Variants in SUPT3H observed in about 807,000 individuals in gnomAD.
The protein encoded by SUPT3H is transcription initiation protein SPT3 homolog.
Under a neutral mutation model 44.3 loss-of-function variants are expected in SUPT3H, and 44 were observed. The ratio of observed to expected loss-of-function variants is 0.99; its 90% CI spans 0.78 to 1.28. The LOEUF (loss-of-function observed/expected upper bound fraction) is 1.28. Ranked by LOEUF, SUPT3H falls within the 50% of genes most tolerant of loss-of-function variation. The pLI, the probability that SUPT3H is intolerant of heterozygous loss-of-function variation, is 0.00. For missense variants in SUPT3H, 380 were observed against 387.1 expected (o/e 0.98, Z 0.15); for synonymous variants, 124 against 125.6 (o/e 0.99, Z 0.09).
Position 45,099,186 on chromosome 6 carries a change from C to T in SUPT3H, c.186+6736G>A, listed in dbSNP as rs1351263626. On this transcript the variant is annotated intron_variant, in intron 3 of 10. Coordinates refer to ENST00000371459, the MANE Select transcript of SUPT3H (RefSeq NM_003599.4). ...ATGGGACCACCCTTTCCTTTCATGA[C>T]AACTCCAGGATTAATCCACTATCTT... 1.4e-5 allele frequency: 4 copies of T among 276,252 alleles called. No homozygotes were observed. The South Asian group carries it at 1.5e-4, about 10-fold the overall frequency. The allele number at this position is 276,252 out of a possible 1,614,324, so 17.1% of individuals were successfully genotyped here.
At chr6:44,885,752 C>T (rs967715081) in intron 10 of SUPT3H, among the ~76,000 whole-genome samples, 1 of 152,174 alleles carries the variant, frequency 6.6e-6, no homozygotes, top group African/African-American at 2.4e-5. Flanking sequence ...AGCAACGGAA[C>T]AAAGCCGGAC....
At chr6:44,885,390 C>T (rs1266621565) in intron 10 of SUPT3H, among the ~76,000 whole-genome samples, 2 of 152,074 alleles carry the variant, frequency 1.3e-5, no homozygotes, top group African/African-American at 2.4e-5. Context: ...TGACACCTCA[C>T]ACGTCCGGGT....
At chr6:45,322,153 G>A (rs1453044467) in intron 2 of SUPT3H, among the ~76,000 whole-genome samples, 1 of 151,864 alleles carries the variant, frequency 6.6e-6, no homozygotes, top group Non-Finnish European at 1.5e-5. Context: ...TAGAAAACTA[G>A]AAATACTTAT....
At chr6:45,113,430 A>G (rs1800363893) in intron 2 of SUPT3H, among the ~76,000 whole-genome samples, 1 of 152,234 alleles carries the variant, frequency 6.6e-6, no homozygotes, top group Non-Finnish European at 1.5e-5. Flanking sequence ...TTGCTCTTCA[A>G]ATTTTAACAG....
chr6:44,870,881 G>A (rs1436079680), intron 10 of SUPT3H, among the ~76,000 whole-genome samples: 10 of 151,790 alleles, frequency 6.6e-5, no homozygotes, highest in Non-Finnish European at 1.5e-5. Context: ...CAAAGAAAGG[G>A]GTGACGGATG....
chr6:44,816,834 A>G (rs1338620310), intron 11 of SUPT3H, among the ~76,000 whole-genome samples: 1 of 152,140 alleles, frequency 6.6e-6, no homozygotes, highest in Non-Finnish European at 1.5e-5. Context: ...TGGGAAGATC[A>G]CTTGAGGCCA....
chr6:45,347,896 A>G (rs1333088535), intron 2 of SUPT3H, among the ~76,000 whole-genome samples: 3 of 152,124 alleles, frequency 2.0e-5, no homozygotes, highest in African/African-American at 7.2e-5. Context: ...ACAGAATGTC[A>G]GTATGGTTAC....
chr6:45,166,181 T>C (rs1451139791), intron 2 of SUPT3H, among the ~76,000 whole-genome samples: 1 of 152,116 alleles, frequency 6.6e-6, no homozygotes, highest in African/African-American at 2.4e-5. Flanking sequence ...TGGTCCCAGC[T>C]ACTTAAGAAG....
chr6:45,183,410 C>A (rs1034270218), intron 2 of SUPT3H, among the ~76,000 whole-genome samples: 1 of 152,094 alleles, frequency 6.6e-6, no homozygotes, highest in African/African-American at 2.4e-5. Context: ...ACATAAGTAA[C>A]TGAGACTAGA....
At chr6:45,132,989 A>C (rs1803714392) in intron 2 of SUPT3H, among the ~76,000 whole-genome samples, 1 of 152,202 alleles carries the variant, frequency 6.6e-6, no homozygotes, top group Non-Finnish European at 1.5e-5. Context: ...TTACCAGTAC[A>C]AATATTGCCT....
At chr6:45,342,040 T>C (rs1266108451) in intron 2 of SUPT3H, among the ~76,000 whole-genome samples, 1 of 149,588 alleles carries the variant, frequency 6.7e-6, no homozygotes, top group Non-Finnish European at 1.5e-5. Context: ...TATGGGCAAG[T>C]TGAAGAGATA....
chr6:45,254,022 G>A (rs74408545), intron 2 of SUPT3H, among the ~76,000 whole-genome samples: 3,699 of 151,046 alleles, frequency 0.024, 151 homozygotes, highest in African/African-American at 0.083. Context: ...AATAGGCACC[G>A]AACAACAAAC....
intron 10 of SUPT3H, among the ~76,000 whole-genome samples, chr6:44,866,106 C>CTT (rs57914401): frequency 8.3e-4 from 105 of 126,154 alleles, no homozygotes; most frequent in African/African-American, 3.0e-3. Context: ...CCTACATCGA[C>CTT]TTTTTTTTTT....
intron 2 of SUPT3H, among the ~76,000 whole-genome samples, chr6:45,158,298 A>ATATATATATTTT: frequency 2.3e-4 from 23 of 99,690 alleles, no homozygotes; most frequent in African/African-American, 1.2e-3. Flanking sequence ...ATATATATAT[A>ATATATATATTTT]TTTTTTTTTT....
intron 10 of SUPT3H, among the ~76,000 whole-genome samples, chr6:44,903,942 T>C (rs1331539668): frequency 6.6e-6 from 1 of 152,154 alleles, no homozygotes; most frequent in East Asian, 1.9e-4. Context: ...CATGATTATC[T>C]CAATAGATGC....
chr6:45,243,197 C>CAAAAAAAAAAA lies in SUPT3H; in HGVS notation c.101+121993_101+122003dup, dbSNP rs61643038. ...TGGGAAACAGAGCGAGACTCCTTCT[C>CAAAAAAAAAAA]AAAAAAAAAAAAAAAAAAAAAAAGC... On this transcript the variant is annotated intron_variant, in intron 2 of 10. Transcript: ENST00000371459. 5.5e-5 allele frequency among the ~76,000 whole-genome samples: 4 copies of CAAAAAAAAAAA among 72,556 alleles called. 1 individual carries two copies. Among genetic ancestry groups the CAAAAAAAAAAA allele is most frequent in the African/African-American group, 1.5e-4 (2 of 13,496 alleles). 47.6% of individuals were successfully genotyped at this position (72,556 alleles called of 152,430 possible). A position where few individuals can be genotyped will look rare whatever the true frequency, so the allele number is the denominator to read the frequency against.
chr6:44,816,033 A>G (rs1308524805), intron 11 of SUPT3H, among the ~76,000 whole-genome samples: 1 of 152,182 alleles, frequency 6.6e-6, no homozygotes, highest in Non-Finnish European at 1.5e-5. Context: ...CAAAGTATGT[A>G]TTATAAAATT....
Position 44,844,470 on chromosome 6 carries a change from A to T in SUPT3H, c.913-14613T>A, listed in dbSNP as rs369836096. ...TATTTTTATGTAAACTTTATTCCTA[A>T]TTGCTCAAAACTGGAAATATCCCAA... is the stretch of plus-strand genomic sequence containing the variant. On this transcript the variant is annotated intron_variant, in intron 10 of 10. Coordinates refer to ENST00000371459, the MANE Select transcript of SUPT3H (RefSeq NM_003599.4). Among the ~76,000 whole-genome samples, 26 of 152,312 alleles carry T rather than the reference A, an allele frequency of 1.7e-4. No individual in the cohort carries two copies. In the East Asian group the frequency reaches 4.2e-3, roughly 25 times the overall value.
intron 10 of SUPT3H, among the ~76,000 whole-genome samples, chr6:44,891,648 G>T (rs924846605): frequency 6.6e-6 from 1 of 151,936 alleles, no homozygotes; most frequent in Non-Finnish European, 1.5e-5. Flanking sequence ...TTTCTGTTTG[G>T]GATGATAAAA....
Sources: gnomAD v4.1 joint callset for allele counts (sites outside exome capture counted in the v4.1 genomes callset) on GRCh38, gnomAD v4.1.1 for gene constraint, MANE v1.5 for transcripts, NCBI Gene and HGNC (gene_info 2026-07-23, HGNC 2026-07-21) for gene names.